The following RELCH variants were observed in gnomAD, a reference collection of about 807,000 sequenced individuals.
RELCH encodes the protein RAB11-binding protein RELCH.
RELCH carries 41 observed loss-of-function variants against 150.3 expected under a neutral mutation model. The ratio of observed to expected loss-of-function variants is 0.27; its 90% confidence interval spans 0.21 to 0.35. RELCH has a LOEUF of 0.35. Among genes scored for constraint, RELCH ranks in the 10% least tolerant of loss-of-function variants. The pLI is 1.00. For synonymous variants in RELCH, 478 were observed against 531.8 expected, an observed-to-expected ratio of 0.90 and a Z score of 1.39; for missense variants, 1,092 against 1,467.8, an observed-to-expected ratio of 0.74 and a Z score of 4.18.
intron 25 of RELCH, among the ~76,000 whole-genome samples, chr18:62,286,917 AAAT>A (rs2044833195): frequency 6.6e-6 from 1 of 152,240 alleles, no homozygotes; most frequent in African/African-American, 2.4e-5. Flanking sequence ...TGAAGGAGTG[AAAT>A]AATAGGTTGT....
At chr18:62,196,695 T>C (rs777694474) in intron 1 of RELCH, among the ~76,000 whole-genome samples, 2 of 152,230 alleles carry the variant, frequency 1.3e-5, no homozygotes, top group Non-Finnish European at 2.9e-5. Context: ...TAGTTAGATA[T>C]AATCCCTGCT....
At chr18:62,198,482 A>G (rs1206986470) in intron 1 of RELCH, among the ~76,000 whole-genome samples, 1 of 152,154 alleles carries the variant, frequency 6.6e-6, no homozygotes, top group African/African-American at 2.4e-5. Context: ...AATAGTGTTC[A>G]TTTGTTTTTG....
intron 1 of RELCH, among the ~76,000 whole-genome samples, chr18:62,195,978 G>T (rs578039133): frequency 3.9e-5 from 6 of 152,264 alleles, no homozygotes; most frequent in African/African-American, 1.4e-4. Flanking sequence ...TTACAGGCGT[G>T]AGCCACCAAG....
intron 5 of RELCH, 136 bp from the exon 6 acceptor site, chr18:62,227,153 T>C: frequency 3.3e-6 from 2 of 614,668 alleles, no homozygotes. Flanking sequence ...TCTATGATTG[T>C]GCCACTGTAC....
At chr18:62,211,264 G>A in intron 2 of RELCH, 22 bp downstream of exon 2, 1 of 1,417,912 alleles carries the variant, frequency 7.1e-7, no homozygotes, top group African/African-American at 1.4e-5. Context: ...TGTAAGGACA[G>A]ATTTGGATTC....
At chr18:62,282,226 T>G in intron 24 of RELCH, 80 bp from the exon 25 acceptor site, 1 of 1,244,060 alleles carries the variant, frequency 8.0e-7, no homozygotes, top group Non-Finnish European at 1.2e-6. Flanking sequence ...TAAGTCATGT[T>G]TAATGTGTGT....
At chr18:62,244,261 C>G (rs1889161815) in intron 10 of RELCH, among the ~76,000 whole-genome samples, 1 of 152,038 alleles carries the variant, frequency 6.6e-6, no homozygotes. Flanking sequence ...TGAAAATGGT[C>G]TTTTTAGTTA....
In RELCH at chr18:62,227,700, GA is replaced by G; in HGVS notation, c.1154+12del. The G allele has an allele frequency of 7.4e-7, 1 of 1,355,814 alleles. No individual in the cohort carries two copies. Among genetic ancestry groups the G allele is most frequent in the Non-Finnish European group, 1.0e-6 (1 of 974,874 alleles). 84.0% of individuals were successfully genotyped at this position (1,355,814 alleles called of 1,614,324 possible). ...CAGAAGACTTAAAAGGTTAGTACTT[GA>G]TCATTATTCCTAAAAATCCTCTTAA... On this transcript the variant is annotated intron_variant, in intron 7 of 28. Transcript: ENST00000644646.
intron 15 of RELCH, among the ~76,000 whole-genome samples, chr18:62,260,901 G>A (rs1314253002): frequency 6.6e-6 from 1 of 151,912 alleles, no homozygotes; most frequent in Admixed American, 6.6e-5. Flanking sequence ...AAATGGACCA[G>A]AAGCTGGGGT....
intron 2 of RELCH, among the ~76,000 whole-genome samples, chr18:62,215,548 A>G (rs945979866): frequency 2.0e-5 from 3 of 152,228 alleles, no homozygotes; most frequent in Admixed American, 2.0e-4. Context: ...TCTCTAAAGG[A>G]ACAAATGTTT....
Position 62,221,058 on chromosome 18 carries a change from A to G in RELCH, c.638A>G (p.Lys213Arg). 2 of 1,613,432 alleles carry G rather than the reference A, an allele frequency of 1.2e-6. No homozygotes were observed. The highest frequency in any genetic ancestry group is 1.7e-6 in the Non-Finnish European group (2 of 1,179,568). The change falls in exon 3 of 29, where the codon AAA becomes AGA. Residue 213 changes from lysine (K) to arginine (R), a missense_variant. By Grantham distance (26) the Lys-to-Arg change is conservative. Coordinates refer to ENST00000644646, the MANE Select transcript of RELCH (RefSeq NM_001346231.2). ...KVAVLEFELR[K>R]AKETIQALRA... ...CCAGTCCTGGAGTTTGAACTACGGA[A>G]AGCCAAGGAGACCATTCAGGCCCTC... is the stretch of plus-strand genomic sequence containing the variant.
chr18:62,274,730 G>A (rs144572444), intron 21 of RELCH, among the ~76,000 whole-genome samples: 194 of 152,324 alleles, frequency 1.3e-3, no homozygotes, highest in Non-Finnish European at 2.4e-3. Flanking sequence ...TCTTAGTCCA[G>A]TGATCTTTCC....
intron 10 of RELCH, among the ~76,000 whole-genome samples, chr18:62,242,553 T>G (rs1245891476): frequency 6.6e-6 from 1 of 152,204 alleles, no homozygotes; most frequent in Non-Finnish European, 1.5e-5. Context: ...GAGAAGTTTG[T>G]GCTTTTCTTT....
Position 62,287,393 on chromosome 18 carries a change from T to C in RELCH, c.3296T>C (p.Leu1099Ser). 6.2e-7 allele frequency: 1 copy of C among 1,610,580 alleles called. No homozygotes were observed. Among genetic ancestry groups the C allele is most frequent in the Non-Finnish European group, 8.5e-7 (1 of 1,177,530 alleles). Residue 1099 changes from leucine (L) to serine (S), a missense_variant, in exon 26 of 29, where the codon TTA (leucine) becomes TCA (serine). Physicochemically the swap from Leu to Ser is moderately radical, Grantham distance 145 (BLOSUM62 -2). Around this residue, in one of 4 missense-constraint regions of RELCH, gnomAD observed 707 missense variants for 1,025.4 expected, o/e 0.69. Transcript: ENST00000644646. ...CATAAGTTAGCCTTGGTGAACAACT[T>C]ACAGATTGTGGATTCTAAAAGACTG... The part of the protein sequence containing the change: ...HLHKLALVNN[L>S]QIVDSKRLDI...
At chr18:62,255,767 A>G (rs946058898) in intron 13 of RELCH, among the ~76,000 whole-genome samples, 6 of 152,082 alleles carry the variant, frequency 3.9e-5, no homozygotes, top group Non-Finnish European at 7.4e-5. Context: ...AAAAAGGTCC[A>G]TGAGGAGAAA....
chr18:62,277,014 C>T (rs946890652), intron 22 of RELCH, among the ~76,000 whole-genome samples: 6 of 152,112 alleles, frequency 3.9e-5, no homozygotes, highest in Non-Finnish European at 8.8e-5. Flanking sequence ...CTTTAATATA[C>T]TCTCTTCCTA....
At chr18:62,268,981 G>T (rs1354803720) in intron 20 of RELCH, 33 bp downstream of exon 20, 6 of 1,184,324 alleles carry the variant, frequency 5.1e-6, no homozygotes, top group South Asian at 1.6e-5. Context: ...CTAGTAAAAG[G>T]CTTTCCATTT....
At chr18:62,244,946 G>A in intron 11 of RELCH, 70 bp downstream of exon 11, 1 of 1,019,572 alleles carries the variant, frequency 9.8e-7, no homozygotes, top group East Asian at 2.4e-5. Context: ...TAGGCATCAG[G>A]ATTAGCATTT....
At chr18:62,192,799 G>A (rs2038746262) in intron 1 of RELCH, among the ~76,000 whole-genome samples, 1 of 152,138 alleles carries the variant, frequency 6.6e-6, no homozygotes, top group African/African-American at 2.4e-5. Flanking sequence ...TTGTAGTATA[G>A]TCTGAAGTGA....
Sources: gnomAD v4.1 joint callset for allele counts (sites outside exome capture counted in the v4.1 genomes callset) on GRCh38, gnomAD v4.1.1 for gene constraint, gnomAD v4.1.1 regional missense constraint, MANE v1.5 for transcripts, NCBI Gene and HGNC (gene_info 2026-07-23, HGNC 2026-07-21) for gene names.